ARHGEF38: variants seen among roughly 807,000 people sequenced by gnomAD.
ARHGEF38 encodes the protein Rho guanine nucleotide exchange factor 38, also known as Rho guanine nucleotide exchange factor (GEF) 38.
Under a neutral mutation model 79.9 loss-of-function variants are expected in ARHGEF38, and 79 were observed. The observed-to-expected ratio is 0.99, with a 90% confidence interval of 0.82 to 1.19. The LOEUF (loss-of-function observed/expected upper bound fraction) is 1.19, where lower values mean the gene tolerates loss of function less well. ARHGEF38 is among the 50% of genes most tolerant of loss of function. The probability of loss-of-function intolerance (pLI) is 0.00; values close to 1 mark genes in which losing one functional copy is unlikely to be tolerated. For missense variants in ARHGEF38, 962 were observed against 907.2 expected (o/e 1.06, Z -0.78); for synonymous variants, 366 against 328.3 (o/e 1.11, Z -1.24).
Position 105,670,816 on chromosome 4 carries a change from G to A in ARHGEF38, c.2148+3113G>A, listed in dbSNP as rs563133490. Among the ~76,000 whole-genome samples the A allele has an allele frequency of 2.6e-5, 4 of 152,240 alleles. No individual in the cohort carries two copies. The South Asian group carries it at 8.3e-4, about 32-fold the overall frequency. On this transcript the variant is annotated intron_variant, in intron 13 of 13. Transcript: ENST00000420470. ...ATAACCTAGATGGACAGAAATCTGA[G>A]GGCCAAATTTATCAGCACACTCTAA...
intron 1 of ARHGEF38, among the ~76,000 whole-genome samples, chr4:105,587,793 C>T (rs1727129829): frequency 1.3e-5 from 2 of 152,078 alleles, no homozygotes; most frequent in Non-Finnish European, 2.9e-5. Context: ...CTAAATAGCC[C>T]AAATCTCATA....
chr4:105,664,530 C>A (rs1379279539), intron 10 of ARHGEF38, among the ~76,000 whole-genome samples: 1 of 152,172 alleles, frequency 6.6e-6, no homozygotes, highest in Non-Finnish European at 1.5e-5. Flanking sequence ...TCTTTCTATA[C>A]CCCCTTCAAT....
chr4:105,614,412 A>G (rs1416523889), intron 3 of ARHGEF38, among the ~76,000 whole-genome samples: 7 of 152,200 alleles, frequency 4.6e-5, no homozygotes, highest in South Asian at 2.1e-4. Context: ...ACTTTGAGAT[A>G]CACACACAAA....
At chr4:105,630,871 A>C (rs1283226547) in intron 3 of ARHGEF38, 27 bp from the exon 4 acceptor site, 18 of 1,579,746 alleles carry the variant, frequency 1.1e-5, no homozygotes, top group Non-Finnish European at 1.5e-5. Flanking sequence ...TGATGATGTC[A>C]TTTTGCCTTT....
intron 3 of ARHGEF38, among the ~76,000 whole-genome samples, chr4:105,627,263 G>A (rs552507031): frequency 6.6e-6 from 1 of 152,260 alleles, no homozygotes; most frequent in East Asian, 1.9e-4. Context: ...CCCGGGACAA[G>A]GAGATCCCTT....
intron 4 of ARHGEF38, chr4:105,631,303 T>C: frequency 9.0e-7 from 1 of 1,105,376 alleles, no homozygotes; most frequent in Non-Finnish European, 1.1e-6. Flanking sequence ...AATATCAAAA[T>C]ATAAAATGTG....
chr4:105,647,853 T>G (rs768006123), intron 6 of ARHGEF38, among the ~76,000 whole-genome samples: 1 of 151,936 alleles, frequency 6.6e-6, no homozygotes, highest in Non-Finnish European at 1.5e-5. Flanking sequence ...GAGGTCTCCT[T>G]ACATTGGGCA....
At chr4:105,626,382 G>A (rs1348325225) in intron 3 of ARHGEF38, among the ~76,000 whole-genome samples, 1 of 152,094 alleles carries the variant, frequency 6.6e-6, no homozygotes, top group Non-Finnish European at 1.5e-5. Context: ...GCATTTGCAT[G>A]TGCCAGCCCC....
At chr4:105,596,913 G>A (rs1026143658) in intron 2 of ARHGEF38, among the ~76,000 whole-genome samples, 3 of 152,188 alleles carry the variant, frequency 2.0e-5, no homozygotes, top group Non-Finnish European at 4.4e-5. Flanking sequence ...GTGCATAGCG[G>A]CTCTGCAGCA....
chr4:105,558,807 C>T (rs1201842254), intron 1 of ARHGEF38, among the ~76,000 whole-genome samples: 1 of 139,100 alleles, frequency 7.2e-6, no homozygotes, highest in Admixed American at 7.4e-5. Context: ...AACACAATTT[C>T]TAGTTGTGCT....
Position 105,675,910 on chromosome 4 carries a change from T to C in ARHGEF38, c.2149-1842T>C, listed in dbSNP as rs547638247. On this transcript the variant is annotated intron_variant, in intron 13 of 13. Coordinates refer to ENST00000420470, the MANE Select transcript of ARHGEF38 (RefSeq NM_001242729.2). Reference sequence around the variant, plus strand: ...GAAGGCTAATCACCTCCCCAAGGCCTTACCTCTTAATAGCATTACCTTGTG... The same window carrying C: ...GAAGGCTAATCACCTCCCCAAGGCCCTACCTCTTAATAGCATTACCTTGTG... Among the ~76,000 whole-genome samples the C allele has an allele frequency of 1.1e-4, 16 of 152,320 alleles. No homozygotes were observed. The South Asian group carries it at 3.3e-3, about 32-fold the overall frequency.
At chr4:105,636,106 A>G (rs1385864818) in intron 4 of ARHGEF38, among the ~76,000 whole-genome samples, 1 of 152,100 alleles carries the variant, frequency 6.6e-6, no homozygotes, top group Non-Finnish European at 1.5e-5. Flanking sequence ...ATTTTTTTAT[A>G]TTGAAAACAT....
chr4:105,567,900 T>C (rs1024335356), intron 1 of ARHGEF38, among the ~76,000 whole-genome samples: 5 of 151,342 alleles, frequency 3.3e-5, no homozygotes, highest in Non-Finnish European at 5.9e-5. Flanking sequence ...CATCTAGCAT[T>C]AGGTATATTT....
intron 1 of ARHGEF38, among the ~76,000 whole-genome samples, chr4:105,583,124 G>T (rs1211052963): frequency 6.6e-6 from 1 of 152,008 alleles, no homozygotes; most frequent in Non-Finnish European, 1.5e-5. Flanking sequence ...CCTTATATTT[G>T]TTTTTCTCTT....
chr4:105,630,037 C>CA (rs1270505710), intron 3 of ARHGEF38, among the ~76,000 whole-genome samples: 3 of 152,070 alleles, frequency 2.0e-5, no homozygotes, highest in African/African-American at 4.8e-5. Context: ...TATAAATTAA[C>CA]AAAAAATTGC....
intron 1 of ARHGEF38, among the ~76,000 whole-genome samples, chr4:105,586,525 T>C (rs544270539): frequency 3.3e-5 from 5 of 152,316 alleles, no homozygotes; most frequent in African/African-American, 1.2e-4. Flanking sequence ...CATTTTAAAG[T>C]GCAGCAACTG....
chr4:105,582,939 A>T (rs1726866639), intron 1 of ARHGEF38, among the ~76,000 whole-genome samples: 1 of 152,210 alleles, frequency 6.6e-6, no homozygotes, highest in Non-Finnish European at 1.5e-5. Context: ...TCTGTGTAAA[A>T]TAGCTATATC....
chr4:105,589,506 A>G (rs1289628525), intron 2 of ARHGEF38, 71 bp downstream of exon 2: 1 of 1,358,156 alleles, frequency 7.4e-7, no homozygotes, highest in Non-Finnish European at 1.0e-6. Context: ...ATGAAATTGA[A>G]GCACTCAGGT....
At chr4:105,581,837 G>A (rs1011232779) in intron 1 of ARHGEF38, among the ~76,000 whole-genome samples, 1 of 151,782 alleles carries the variant, frequency 6.6e-6, no homozygotes, top group Non-Finnish European at 1.5e-5. Context: ...TCATGGTATC[G>A]TGTTTCCGTG....
Sources: gnomAD v4.1 joint callset for allele counts (sites outside exome capture counted in the v4.1 genomes callset) on GRCh38, gnomAD v4.1.1 for gene constraint, MANE v1.5 for transcripts, NCBI Gene and HGNC (gene_info 2026-07-23, HGNC 2026-07-21) for gene names.